Variants in CUEDC1 observed in about 807,000 individuals in gnomAD.
The protein encoded by CUEDC1 is CUE domain-containing protein 1.
In CUEDC1, 30 loss-of-function variants were observed where a neutral mutation model predicts 43.7. That is an observed-to-expected ratio of 0.69 (90% CI 0.51 to 0.93). The LOEUF is 0.93. Ranked by LOEUF, CUEDC1 falls within the 40% of genes least tolerant of loss-of-function variation. CUEDC1 has a pLI of 0.00. For missense variants in CUEDC1, 486 were observed against 549.0 expected (o/e 0.89, Z 1.15); for synonymous variants, 223 against 223.6 (o/e 1.00, Z 0.02).
chr17:57,902,783 C>A (rs1416927498), intron 1 of CUEDC1, among the ~76,000 whole-genome samples: 3 of 152,230 alleles, frequency 2.0e-5, no homozygotes, highest in Non-Finnish European at 4.4e-5. Flanking sequence ...TGGGCACAAA[C>A]CCTATAGCAG....
chr17:57,926,519 A>G (rs900320276), intron 1 of CUEDC1, among the ~76,000 whole-genome samples: 1 of 152,136 alleles, frequency 6.6e-6, no homozygotes. Context: ...GGCCGGGTGC[A>G]GTGGCTCACA....
chr17:57,935,400 CACACAA>C (rs2074851027), intron 1 of CUEDC1, among the ~76,000 whole-genome samples: 1 of 146,514 alleles, frequency 6.8e-6, no homozygotes, highest in Non-Finnish European at 1.5e-5. Flanking sequence ...CACACACACA[CACACAA>C]ACACACACAC....
At position 57,955,021 on chromosome 17, in the gene CUEDC1, G is replaced by A. The variant is rs1172721131; in HGVS notation, c.-316+204C>T. On this transcript the variant is annotated intron_variant, in intron 1 of 10. Coordinates refer to ENST00000577830, the MANE Select transcript of CUEDC1 (RefSeq NM_001271875.2). The surrounding 1 kb of genome is among the most constrained non-coding windows in gnomAD (Gnocchi z 5.3). ...GGGAAGGAAGGGCGGGCGGGGACCT[G>A]CCGCACGCGGAGCTCCCGGGGAGCC... Among the ~76,000 whole-genome samples, 2 of 151,132 alleles carry A rather than the reference G, an allele frequency of 1.3e-5. No homozygotes were observed. The highest frequency in any genetic ancestry group is 3.0e-5 in the Non-Finnish European group (2 of 67,636).
At chr17:57,887,583 C>A (rs972396253) in intron 1 of CUEDC1, among the ~76,000 whole-genome samples, 3 of 147,872 alleles carry the variant, frequency 2.0e-5, no homozygotes, top group African/African-American at 7.4e-5. Flanking sequence ...CCTCTGCCTC[C>A]CAGGTTCAAG....
chr17:57,863,439 C>T (rs545918506), intron 10 of CUEDC1, 154 bp from the exon 11 acceptor site: 1 of 152,384 alleles, frequency 6.6e-6, no homozygotes, highest in East Asian at 1.9e-4. Flanking sequence ...CCGTAGAACT[C>T]TGCCTGGGTC....
At chr17:57,892,122 G>A (rs2074361444) in intron 1 of CUEDC1, among the ~76,000 whole-genome samples, 1 of 152,162 alleles carries the variant, frequency 6.6e-6, no homozygotes, top group South Asian at 2.1e-4. Flanking sequence ...GCAATGATGG[G>A]AGGGGGCCTT....
At chr17:57,877,500 C>T (rs2074141653) in intron 3 of CUEDC1, among the ~76,000 whole-genome samples, 1 of 150,454 alleles carries the variant, frequency 6.6e-6, no homozygotes, top group African/African-American at 2.4e-5. Flanking sequence ...CTTATGGCCT[C>T]AGTTTTCCCT....
intron 1 of CUEDC1, among the ~76,000 whole-genome samples, chr17:57,942,489 A>G (rs1245259173): frequency 1.3e-5 from 2 of 151,860 alleles, no homozygotes. Context: ...CCTGGGTTCA[A>G]GTGATTCTCC....
intron 1 of CUEDC1, among the ~76,000 whole-genome samples, chr17:57,899,441 A>G (rs2074448036): frequency 6.6e-6 from 1 of 152,214 alleles, no homozygotes. Flanking sequence ...GGGAGGCAGG[A>G]GAAACCTCAT....
intron 1 of CUEDC1, among the ~76,000 whole-genome samples, chr17:57,938,960 CTTTTTTTT>C (rs55687937): frequency 2.1e-4 from 17 of 82,666 alleles, no homozygotes; most frequent in Admixed American, 3.9e-4. Context: ...CGTGCCCAGC[CTTTTTTTT>C]TTTTTTTTTT....
At chr17:57,945,445 G>A (rs941569913) in intron 1 of CUEDC1, among the ~76,000 whole-genome samples, 1 of 152,190 alleles carries the variant, frequency 6.6e-6, no homozygotes, top group Non-Finnish European at 1.5e-5. Context: ...TCTTCTAGCT[G>A]TATTATGAAC....
chr17:57,901,731 A>G (rs1051849914), intron 1 of CUEDC1, among the ~76,000 whole-genome samples: 1 of 152,248 alleles, frequency 6.6e-6, no homozygotes, highest in African/African-American at 2.4e-5. Context: ...TGTAGCCGGA[A>G]CGGCCCCAGC....
intron 2 of CUEDC1, among the ~76,000 whole-genome samples, chr17:57,881,943 A>G (rs1410705093): frequency 6.6e-6 from 1 of 152,166 alleles, no homozygotes; most frequent in Admixed American, 6.5e-5. Flanking sequence ...TAACCCCAGC[A>G]GCACTGCTGG....
At chr17:57,921,509 C>T (rs1298486988) in intron 1 of CUEDC1, among the ~76,000 whole-genome samples, 3 of 152,222 alleles carry the variant, frequency 2.0e-5, no homozygotes, top group Admixed American at 6.5e-5. Context: ...AATCCTTATT[C>T]GAACTTAGAA....
At chr17:57,934,423 G>A (rs1284280876) in intron 1 of CUEDC1, among the ~76,000 whole-genome samples, 3 of 151,850 alleles carry the variant, frequency 2.0e-5, no homozygotes, top group African/African-American at 4.8e-5. Flanking sequence ...CGGACATGGT[G>A]GTGCACACCT....
chr17:57,861,320 G>T lies in CUEDC1; in HGVS notation c.*1969C>A, dbSNP rs554184192. On this transcript the variant is annotated 3_prime_UTR_variant, in exon 11 of 11. Coordinates refer to ENST00000577830, the MANE Select transcript of CUEDC1 (RefSeq NM_001271875.2). ...TCAACAGACTGGCTTTCCCCATGGT[G>T]TTTCCCTTGCCTGATACAGCAAGCG... The T allele has an allele frequency of 1.3e-5, 2 of 152,380 alleles. No homozygotes were observed. Among genetic ancestry groups the T allele is most frequent in the African/African-American group, 4.8e-5 (2 of 41,582 alleles). The allele number at this position is 152,380 out of a possible 1,614,324, so 9.4% of individuals were successfully genotyped here.
chr17:57,945,660 G>C (rs2074953797), intron 1 of CUEDC1, among the ~76,000 whole-genome samples: 1 of 152,170 alleles, frequency 6.6e-6, no homozygotes, highest in South Asian at 2.1e-4. Context: ...ATTTAATGAG[G>C]ACTTACAATA....
At chr17:57,936,812 C>T (rs1017430921) in intron 1 of CUEDC1, among the ~76,000 whole-genome samples, 2 of 151,700 alleles carry the variant, frequency 1.3e-5, no homozygotes, top group African/African-American at 4.8e-5. Flanking sequence ...TACAGCCCTC[C>T]ACGTTCATTC....
chr17:57,928,346 G>A (rs866816468), intron 1 of CUEDC1, among the ~76,000 whole-genome samples: 8 of 151,704 alleles, frequency 5.3e-5, no homozygotes, highest in African/African-American at 1.7e-4. Flanking sequence ...TCAGGAGATC[G>A]AGACCATCCT....
Sources: allele counts gnomAD v4.1 joint callset (sites outside exome capture counted in the v4.1 genomes callset), GRCh38; gene constraint gnomAD v4.1.1; non-coding constraint Gnocchi (gnomAD v3.1); transcripts MANE v1.5; gene names NCBI Gene and HGNC (gene_info 2026-07-23, HGNC 2026-07-21).